The following HPSE2 variants were observed in gnomAD, a reference collection of about 807,000 sequenced individuals.
The protein encoded by HPSE2 is heparanase 2 (inactive).
HPSE2 carries 38 observed loss-of-function variants against 60.5 expected under a neutral mutation model. That is an observed-to-expected ratio of 0.63 (90% confidence interval 0.48 to 0.82). The LOEUF (loss-of-function observed/expected upper bound fraction) is 0.82. Among genes scored for constraint, HPSE2 ranks in the 40% least tolerant of loss-of-function variants. The probability of loss-of-function intolerance (pLI) is 0.00; values close to 1 mark genes in which losing one functional copy is unlikely to be tolerated. For missense variants in HPSE2, 713 were observed against 740.4 expected (o/e 0.96, Z 0.43); for synonymous variants, 295 against 293.2 (o/e 1.01, Z -0.06).
At chr10:98,770,816 A>G (rs749029809) in intron 3 of HPSE2, among the ~76,000 whole-genome samples, 1 of 152,152 alleles carries the variant, frequency 6.6e-6, no homozygotes, top group South Asian at 2.1e-4. Context: ...GGAGCAAAAA[A>G]GCAGGGAATA....
intron 9 of HPSE2, among the ~76,000 whole-genome samples, chr10:98,513,198 C>G (rs1942478734): frequency 1.3e-5 from 2 of 152,156 alleles, no homozygotes; most frequent in African/African-American, 2.4e-5. Flanking sequence ...CCTTGTATGG[C>G]CTCCTGCCCC....
chr10:98,987,028 G>C lies in HPSE2; in HGVS notation c.610+157210C>G, dbSNP rs568093334. On this transcript the variant is annotated intron_variant, in intron 3 of 11. Transcript: ENST00000370552. The stretch of plus-strand genomic sequence containing the variant: ...AGCCTACCAACCAAAAAAAGTCCAG[G>C]ACCAGATGGATTCACAGCCGAATTC... Among the ~76,000 whole-genome samples the C allele has an allele frequency of 8.5e-5, 13 of 152,070 alleles. No homozygotes were observed. In the East Asian group the frequency reaches 2.5e-3, roughly 29 times the overall value.
At chr10:98,630,591 T>A (rs1191410257) in intron 7 of HPSE2, among the ~76,000 whole-genome samples, 1 of 152,086 alleles carries the variant, frequency 6.6e-6, no homozygotes, top group Non-Finnish European at 1.5e-5. Flanking sequence ...TGTTATTTCC[T>A]CTGTGAAACT....
chr10:98,610,751 G>A (rs1306014502), intron 9 of HPSE2, among the ~76,000 whole-genome samples: 1 of 152,164 alleles, frequency 6.6e-6, no homozygotes, highest in Non-Finnish European at 1.5e-5. Context: ...ATGAATTTAT[G>A]TGCATGTCCC....
At chr10:98,957,378 T>C (rs1382629483) in intron 3 of HPSE2, among the ~76,000 whole-genome samples, 1 of 152,158 alleles carries the variant, frequency 6.6e-6, no homozygotes, top group East Asian at 1.9e-4. Flanking sequence ...TCCCTCGGCC[T>C]TCAGGGGTAG....
chr10:98,773,827 AAGGATTGCTTTTGAGCTC>A (rs1410238039), intron 3 of HPSE2, among the ~76,000 whole-genome samples: 12 of 152,194 alleles, frequency 7.9e-5, no homozygotes, highest in Admixed American at 2.0e-4. Context: ...GCTAAGGTGA[AAGGATTGCTTTTGAGCTC>A]AGGAGTTTGA....
chr10:98,487,520 T>A (rs1372248916), intron 10 of HPSE2, among the ~76,000 whole-genome samples: 3 of 152,234 alleles, frequency 2.0e-5, no homozygotes, highest in Admixed American at 6.5e-5. Context: ...TATTTGCATG[T>A]AGATGTGATA....
intron 3 of HPSE2, among the ~76,000 whole-genome samples, chr10:98,770,539 A>G (rs1267104390): frequency 6.6e-6 from 1 of 152,198 alleles, no homozygotes; most frequent in Non-Finnish European, 1.5e-5. Context: ...GGTTTATTCC[A>G]GCAAATTATA....
rs75204338 is a variant in HPSE2, at chr10:98,761,724, T to G, written c.611-17668A>C. On this transcript the variant is annotated intron_variant, in intron 3 of 11. Transcript: ENST00000370552. ...GCAATGACCTAAGAACTCCGAAAAGTAAACAGTAGCAAGCGGACTGGGGAC... is the reference window on the plus strand; with the variant it reads ...GCAATGACCTAAGAACTCCGAAAAGGAAACAGTAGCAAGCGGACTGGGGAC... Among the ~76,000 whole-genome samples the G allele has an allele frequency of 3.7e-3, 563 of 152,258 alleles. 5 individuals are homozygous for G. The highest frequency in any genetic ancestry group is 0.013 in the African/African-American group (544 of 41,550).
chr10:98,571,154 C>A (rs1047327969), intron 9 of HPSE2, among the ~76,000 whole-genome samples: 1 of 152,032 alleles, frequency 6.6e-6, no homozygotes. Flanking sequence ...GTAGAAAGAC[C>A]TAATGTATGT....
chr10:98,899,548 G>A (rs958191380), intron 3 of HPSE2, among the ~76,000 whole-genome samples: 2 of 152,038 alleles, frequency 1.3e-5, no homozygotes, highest in South Asian at 4.1e-4. Context: ...TGGCAAATAA[G>A]CCCATGAAAA....
At chr10:98,867,578 C>G (rs1465132965) in intron 3 of HPSE2, among the ~76,000 whole-genome samples, 1 of 152,136 alleles carries the variant, frequency 6.6e-6, no homozygotes, top group Non-Finnish European at 1.5e-5. Flanking sequence ...CTGCAGAGAA[C>G]AGTTTGGAGT....
At chr10:99,186,285 C>T (rs905046771) in intron 2 of HPSE2, among the ~76,000 whole-genome samples, 1 of 151,920 alleles carries the variant, frequency 6.6e-6, no homozygotes, top group Non-Finnish European at 1.5e-5. Context: ...TGGCTCACAC[C>T]TGTAATTCCA....
At chr10:98,901,917 T>G (rs764361124) in intron 3 of HPSE2, among the ~76,000 whole-genome samples, 16 of 152,186 alleles carry the variant, frequency 1.1e-4, no homozygotes, top group Non-Finnish European at 2.4e-4. Flanking sequence ...ACATGCTCAA[T>G]TATAATTACC....
chr10:98,498,090 T>C lies in HPSE2; in HGVS notation c.1321-7894A>G, dbSNP rs191640826. On this transcript the variant is annotated intron_variant, in intron 9 of 11. Transcript: ENST00000370552. ...CTTTGAGGAGATTGGATCATCATGG[T>C]GGACGGGAGGCAGGACTAGATTGCA... is the stretch of plus-strand genomic sequence containing the variant. 1.2e-3 allele frequency among the ~76,000 whole-genome samples: 182 copies of C among 152,284 alleles called. 1 individual carries two copies. The highest frequency in any genetic ancestry group is 4.1e-3 in the African/African-American group (170 of 41,560).
intron 2 of HPSE2, among the ~76,000 whole-genome samples, chr10:99,150,744 G>C (rs892173319): frequency 4.6e-5 from 7 of 152,130 alleles, no homozygotes; most frequent in African/African-American, 1.7e-4. Context: ...CCCCAACATA[G>C]GCTAAGTTCT....
At chr10:99,029,392 A>C (rs1957447811) in intron 3 of HPSE2, among the ~76,000 whole-genome samples, 1 of 152,202 alleles carries the variant, frequency 6.6e-6, no homozygotes, top group Non-Finnish European at 1.5e-5. Context: ...AAAGAGATAA[A>C]AGAAAAGCCA....
chr10:98,689,001 T>C (rs1948004165), intron 6 of HPSE2, among the ~76,000 whole-genome samples: 1 of 152,138 alleles, frequency 6.6e-6, no homozygotes, highest in Non-Finnish European at 1.5e-5. Context: ...GTTATTTTTG[T>C]CTGAATGCTT....
intron 9 of HPSE2, among the ~76,000 whole-genome samples, chr10:98,582,351 C>G (rs971634436): frequency 6.6e-6 from 1 of 152,104 alleles, no homozygotes; most frequent in African/African-American, 2.4e-5. Flanking sequence ...TTTAAATTGT[C>G]AACTGTTTTA....
Sources: allele counts gnomAD v4.1 joint callset (sites outside exome capture counted in the v4.1 genomes callset), GRCh38; gene constraint gnomAD v4.1.1; transcripts MANE v1.5; gene names NCBI Gene and HGNC (gene_info 2026-07-23, HGNC 2026-07-21).